FBXL17: variants seen among roughly 807,000 people sequenced by gnomAD.
FBXL17 encodes the protein F-box and leucine rich repeat protein 17, also known as F-box/LRR-repeat protein 17.
A neutral mutation model predicts 66.2 loss-of-function variants in FBXL17; 22 were observed. That is an observed-to-expected ratio of 0.33 (90% CI 0.24 to 0.47). FBXL17 has a LOEUF of 0.47. Among genes scored for constraint, FBXL17 ranks in the 20% least tolerant of loss-of-function variants. The probability of loss-of-function intolerance (pLI) is 1.00; values close to 1 mark genes in which losing one functional copy is unlikely to be tolerated. For missense variants in FBXL17, 878 were observed against 948.2 expected, an observed-to-expected ratio of 0.93 and a Z score of 0.97; for synonymous variants, 474 against 400.5, an observed-to-expected ratio of 1.18 and a Z score of -2.19.
At chr5:108,182,064 C>A (rs375620266) in intron 6 of FBXL17, among the ~76,000 whole-genome samples, 1 of 152,124 alleles carries the variant, frequency 6.6e-6, no homozygotes, top group South Asian at 2.1e-4. Flanking sequence ...AGGTTACTTT[C>A]GTCCCCTCGA....
At chr5:107,948,650 C>T (rs1751392826) in intron 7 of FBXL17, among the ~76,000 whole-genome samples, 1 of 152,290 alleles carries the variant, frequency 6.6e-6, no homozygotes, top group Admixed American at 6.5e-5. Context: ...ATGTCAATGG[C>T]TTTTGAATTA....
intron 7 of FBXL17, among the ~76,000 whole-genome samples, chr5:107,885,616 T>C (rs1329242264): frequency 4.6e-5 from 7 of 152,184 alleles, no homozygotes; most frequent in African/African-American, 1.7e-4. Flanking sequence ...TAGGAATTAA[T>C]TTGGAATGAT....
intron 6 of FBXL17, among the ~76,000 whole-genome samples, chr5:108,094,721 C>T (rs1276015495): frequency 6.6e-6 from 1 of 151,968 alleles, no homozygotes; most frequent in Admixed American, 6.6e-5. Flanking sequence ...CCATAGTCTG[C>T]TCTAAAAATG....
At chr5:108,102,557 G>A (rs1282502707) in intron 6 of FBXL17, among the ~76,000 whole-genome samples, 1 of 152,090 alleles carries the variant, frequency 6.6e-6, no homozygotes, top group Non-Finnish European at 1.5e-5. Context: ...AGTGTGTGTA[G>A]CGGTGGGGTG....
chr5:108,050,137 T>C (rs185017021), intron 6 of FBXL17, among the ~76,000 whole-genome samples: 113 of 152,328 alleles, frequency 7.4e-4, no homozygotes, highest in African/African-American at 2.7e-3. Context: ...ACAATAATAA[T>C]GGGAGGCTTT....
intron 6 of FBXL17, among the ~76,000 whole-genome samples, chr5:108,032,822 A>G (rs535204888): frequency 6.6e-6 from 1 of 152,304 alleles, no homozygotes; most frequent in East Asian, 1.9e-4. Context: ...ACAGGAAACT[A>G]ATACAGTGTC....
At chr5:108,312,376 T>G (rs1186525370) in intron 4 of FBXL17, among the ~76,000 whole-genome samples, 1 of 152,174 alleles carries the variant, frequency 6.6e-6, no homozygotes. Context: ...AATCTCTTTT[T>G]TCTAAACTTA....
intron 7 of FBXL17, among the ~76,000 whole-genome samples, chr5:107,998,053 T>C (rs1444834330): frequency 6.6e-6 from 1 of 152,212 alleles, no homozygotes; most frequent in East Asian, 1.9e-4. Flanking sequence ...TGAGATGTGC[T>C]GTAAATGTAA....
chr5:108,081,175 T>A (rs1344280573), intron 6 of FBXL17, among the ~76,000 whole-genome samples: 1 of 152,046 alleles, frequency 6.6e-6, no homozygotes. Context: ...GATCTCTTTT[T>A]TAGTGTTAAT....
intron 4 of FBXL17, among the ~76,000 whole-genome samples, chr5:108,313,703 C>T (rs1759228712): frequency 6.6e-6 from 1 of 151,906 alleles, no homozygotes; most frequent in Non-Finnish European, 1.5e-5. Context: ...ATATGGATTA[C>T]TGTTTCATTC....
intron 4 of FBXL17, among the ~76,000 whole-genome samples, chr5:108,345,261 T>C (rs1310862907): frequency 6.6e-6 from 1 of 151,330 alleles, no homozygotes; most frequent in Non-Finnish European, 1.5e-5. Flanking sequence ...TGCTTGAACC[T>C]GGGAAGAGGA....
intron 6 of FBXL17, among the ~76,000 whole-genome samples, chr5:108,050,497 A>G (rs780171109): frequency 6.6e-5 from 10 of 152,202 alleles, no homozygotes; most frequent in South Asian, 4.1e-4. Flanking sequence ...GCAGAAATCA[A>G]TAAGTTCTTT....
At chr5:108,250,057 G>C (rs1479958791) in intron 4 of FBXL17, among the ~76,000 whole-genome samples, 1 of 152,010 alleles carries the variant, frequency 6.6e-6, no homozygotes, top group Non-Finnish European at 1.5e-5. Context: ...TCTCTTCAAA[G>C]GTTTTTAAGA....
intron 5 of FBXL17, among the ~76,000 whole-genome samples, chr5:108,196,842 T>A (rs1412883890): frequency 6.6e-6 from 1 of 152,174 alleles, no homozygotes; most frequent in Non-Finnish European, 1.5e-5. Context: ...ACAAGAAGCA[T>A]AATGAGTTCT....
chr5:108,063,313 C>A lies in FBXL17; in HGVS notation c.1746-42312G>T, dbSNP rs187802849. ...GGAGTGCTCCAAGAAAAGGAGACACCATAGTGTCTTGGTATCTAAACTTAC... is the reference window on the plus strand; with the variant it reads ...GGAGTGCTCCAAGAAAAGGAGACACAATAGTGTCTTGGTATCTAAACTTAC... On this transcript the variant is annotated intron_variant, in intron 6 of 8. Transcript: ENST00000542267. 2.5e-3 allele frequency among the ~76,000 whole-genome samples: 388 copies of A among 152,224 alleles called. 2 individuals are homozygous for A. Among genetic ancestry groups the A allele is most frequent in the African/African-American group, 8.9e-3 (369 of 41,518 alleles).
At chr5:108,063,345 G>T (rs1235392787) in intron 6 of FBXL17, among the ~76,000 whole-genome samples, 1 of 152,152 alleles carries the variant, frequency 6.6e-6, no homozygotes, top group Non-Finnish European at 1.5e-5. Context: ...TTACAGAGAA[G>T]CCAATAACTA....
At chr5:108,307,829 A>C (rs2150191740) in intron 4 of FBXL17, among the ~76,000 whole-genome samples, 1 of 152,260 alleles carries the variant, frequency 6.6e-6, no homozygotes, top group Non-Finnish European at 1.5e-5. Context: ...TTTGAGATAC[A>C]TTGTTATAAA....
intron 7 of FBXL17, among the ~76,000 whole-genome samples, chr5:107,965,665 C>T (rs959876369): frequency 1.4e-4 from 22 of 152,128 alleles, no homozygotes; most frequent in Admixed American, 1.3e-3. Flanking sequence ...TAAACATACC[C>T]TGTTCCATTA....
Position 108,022,969 on chromosome 5 carries a change from G to A in FBXL17, c.1746-1968C>T, listed in dbSNP as rs112445202. Among the ~76,000 whole-genome samples the A allele has an allele frequency of 3.1e-3, 478 of 152,168 alleles. 3 individuals are homozygous for A. Among genetic ancestry groups the A allele is most frequent in the African/African-American group, 0.011 (455 of 41,538 alleles). On this transcript the variant is annotated intron_variant, in intron 6 of 8. Transcript: ENST00000542267. Reference sequence around the variant, plus strand: ...AAGAGGTGTAGACAATTATGAATACGTATTATAAAATCATTTAGCATACTC... The same window carrying A: ...AAGAGGTGTAGACAATTATGAATACATATTATAAAATCATTTAGCATACTC...
Sources: allele counts gnomAD v4.1 joint callset (sites outside exome capture counted in the v4.1 genomes callset), GRCh38; gene constraint gnomAD v4.1.1; transcripts MANE v1.5; gene names NCBI Gene and HGNC (gene_info 2026-07-23, HGNC 2026-07-21).